The following DSE variants were observed in gnomAD, a reference collection of about 807,000 sequenced individuals.
DSE encodes dermatan sulfate epimerase.
DSE carries 36 observed loss-of-function variants against 84.4 expected under a neutral mutation model. That is an observed-to-expected ratio of 0.43 (90% CI 0.33 to 0.56). DSE has a LOEUF of 0.56. Among genes scored for constraint, DSE ranks in the 20% least tolerant of loss-of-function variants. The pLI, the probability that DSE is intolerant of heterozygous loss-of-function variation, is 0.06. For synonymous variants in DSE, 410 were observed against 430.1 expected (o/e 0.95, Z 0.58); for missense variants, 862 against 1,169.6 (o/e 0.74, Z 3.84).
chr6:116,262,300 A>C (rs963756111), intron 2 of DSE, among the ~76,000 whole-genome samples: 8 of 152,064 alleles, frequency 5.3e-5, no homozygotes, highest in African/African-American at 2.4e-5. Context: ...TCAGAACTCA[A>C]TATTGGTCTG....
intron 2 of DSE, among the ~76,000 whole-genome samples, chr6:116,293,578 C>G (rs1039983775): frequency 6.6e-6 from 1 of 152,028 alleles, no homozygotes; most frequent in Non-Finnish European, 1.5e-5. Context: ...TGGGTTGTAC[C>G]TCTTTATTAT....
chr6:116,278,647 A>G (rs779485039), intron 2 of DSE: 1 of 1,614,150 alleles, frequency 6.2e-7, no homozygotes, highest in South Asian at 1.1e-5. Flanking sequence ...CTCTTTAATA[A>G]TCTCAGCAAT....
intron 2 of DSE, among the ~76,000 whole-genome samples, chr6:116,261,553 G>A (rs895639297): frequency 7.2e-5 from 11 of 152,142 alleles, no homozygotes; most frequent in Admixed American, 1.3e-4. Context: ...TCTGCAAAGC[G>A]GGATAGTTTG....
At chr6:116,364,828 C>CTTTTT (rs1211909933) in intron 2 of DSE, among the ~76,000 whole-genome samples, 3 of 131,192 alleles carry the variant, frequency 2.3e-5, no homozygotes, top group East Asian at 2.2e-4. Flanking sequence ...TTTAGTAACA[C>CTTTTT]TTTTTTTTTT....
intron 2 of DSE, chr6:116,279,429 G>A: frequency 6.2e-7 from 1 of 1,613,502 alleles, no homozygotes; most frequent in Non-Finnish European, 8.5e-7. Context: ...GGGCGCCACA[G>A]ATTTCTAGGG....
chr6:116,334,357 A>C (rs967782253), intron 2 of DSE, among the ~76,000 whole-genome samples: 1 of 152,184 alleles, frequency 6.6e-6, no homozygotes, highest in Non-Finnish European at 1.5e-5. Context: ...TTTCCATTTG[A>C]AGTGATTCCC....
upstream of DSE, chr6:116,370,016 A>G (rs1272884880): frequency 8.5e-7 from 1 of 1,182,044 alleles, no homozygotes; most frequent in Non-Finnish European, 1.1e-6. Flanking sequence ...GGGGCAAAGT[A>G]TTCCTGAGGT....
At chr6:116,279,174 C>T (rs1398133410) in intron 2 of DSE, 2 of 1,613,022 alleles carry the variant, frequency 1.2e-6, no homozygotes, top group Non-Finnish European at 1.7e-6. Flanking sequence ...AAGGCCAGGG[C>T]CCTTCTTCCT....
chr6:116,421,018 G>T (rs1783040179), intron 2 of DSE, among the ~76,000 whole-genome samples: 1 of 152,158 alleles, frequency 6.6e-6, no homozygotes, highest in African/African-American at 2.4e-5. Flanking sequence ...TAATGAGACT[G>T]CTCAACTTTG....
intron 2 of DSE, among the ~76,000 whole-genome samples, chr6:116,338,538 T>C (rs1777403584): frequency 6.6e-6 from 1 of 152,034 alleles, no homozygotes; most frequent in Non-Finnish European, 1.5e-5. Flanking sequence ...ATGCATCCTT[T>C]CACAGTGAAA....
At position 116,436,130 on chromosome 6, in the gene DSE, T is replaced by C; in HGVS notation, c.1662T>C (p.Val554=). ...ACCCCCAGCTCAACCTGAAGAATGTTCAGAGGAATCTCATCCTCCTACATC... is the reference window on the plus strand; with the variant it reads ...ACCCCCAGCTCAACCTGAAGAATGTCCAGAGGAATCTCATCCTCCTACATC... ...AYNPQLNLKN[V]QRNLILLHPQ... The change falls in exon 6 of 6, where the codon GTT becomes GTC. Residue 554 remains valine, a synonymous_variant. Transcript: ENST00000644252. 1.2e-6 allele frequency: 2 copies of C among 1,612,942 alleles called. No homozygotes were observed. The highest frequency in any genetic ancestry group is 1.7e-6 in the Non-Finnish European group (2 of 1,180,004).
At chr6:116,355,504 C>G (rs745531828) in intron 2 of DSE, among the ~76,000 whole-genome samples, 1 of 152,170 alleles carries the variant, frequency 6.6e-6, no homozygotes, top group Non-Finnish European at 1.5e-5. Context: ...AGCCTAATTT[C>G]TGTTTTGTGC....
At chr6:116,431,527 T>C (rs1783842301) in intron 4 of DSE, among the ~76,000 whole-genome samples, 1 of 152,114 alleles carries the variant, frequency 6.6e-6, no homozygotes, top group Non-Finnish European at 1.5e-5. Flanking sequence ...AATATAAACA[T>C]TTGTGATTAC....
At chr6:116,373,887 T>C (rs753557864) in intron 1 of DSE, among the ~76,000 whole-genome samples, 33 of 152,346 alleles carry the variant, frequency 2.2e-4, no homozygotes, top group South Asian at 8.3e-4. Context: ...CACACTGTGT[T>C]GCATGAAAGA....
At chr6:116,380,450 A>G (rs1780156551) in intron 1 of DSE, among the ~76,000 whole-genome samples, 1 of 151,978 alleles carries the variant, frequency 6.6e-6, no homozygotes, top group Non-Finnish European at 1.5e-5. Flanking sequence ...GAAGAGGGGG[A>G]ATGAATTGGG....
At chr6:116,334,867 G>A (rs532372346) in intron 2 of DSE, among the ~76,000 whole-genome samples, 1 of 152,108 alleles carries the variant, frequency 6.6e-6, no homozygotes, top group Non-Finnish European at 1.5e-5. Flanking sequence ...AGTCAGAATG[G>A]CTATTAAAAA....
intron 2 of DSE, among the ~76,000 whole-genome samples, chr6:116,405,740 T>A (rs1276277160): frequency 6.6e-6 from 1 of 152,212 alleles, no homozygotes; most frequent in Admixed American, 6.5e-5. Context: ...GCCATCAGTG[T>A]TACAAATGGA....
chr6:116,413,179 T>A (rs187826867), intron 2 of DSE, among the ~76,000 whole-genome samples: 4 of 152,280 alleles, frequency 2.6e-5, no homozygotes, highest in African/African-American at 9.6e-5. Flanking sequence ...CACACATAAC[T>A]TCAACTTTAC....
intron 2 of DSE, among the ~76,000 whole-genome samples, chr6:116,403,449 A>G (rs1421811417): frequency 6.6e-6 from 1 of 151,778 alleles, no homozygotes; most frequent in African/African-American, 2.4e-5. Context: ...TTTTAATTTA[A>G]TAAAAAATAT....
Sources: allele counts gnomAD v4.1 joint callset (sites outside exome capture counted in the v4.1 genomes callset), GRCh38; gene constraint gnomAD v4.1.1; transcripts MANE v1.5; gene names NCBI Gene and HGNC (gene_info 2026-07-23, HGNC 2026-07-21).